The following NAV3 variants were observed in gnomAD, a reference collection of about 807,000 sequenced individuals.
NAV3 encodes the protein neuron navigator 3.
A neutral mutation model predicts 244.7 loss-of-function variants in NAV3; 87 were observed. The ratio of observed to expected loss-of-function variants is 0.36; its 90% confidence interval spans 0.30 to 0.42. The LOEUF is 0.42. Among genes scored for constraint, NAV3 ranks in the 20% least tolerant of loss-of-function variants. The pLI, the probability that NAV3 is intolerant of heterozygous loss-of-function variation, is 1.00. For missense variants in NAV3, 2,663 were observed against 2,893.3 expected, an observed-to-expected ratio of 0.92 and a Z score of 1.83; for synonymous variants, 1,126 against 1,042.2, an observed-to-expected ratio of 1.08 and a Z score of -1.55.
intron 19 of NAV3, among the ~76,000 whole-genome samples, chr12:78,138,677 A>G (rs1001741972): frequency 6.6e-6 from 1 of 152,120 alleles, no homozygotes. Context: ...GGCTTCTTAT[A>G]ATACTTTTAA....
chr12:78,050,736 A>T (rs181027158), intron 10 of NAV3, 28 bp from the exon 11 acceptor site: 1 of 1,560,522 alleles, frequency 6.4e-7, no homozygotes, highest in African/African-American at 1.4e-5. Context: ...GAACCAGAGT[A>T]TAGTTATTTC....
chr12:77,604,899 TTAAACTC>T (rs377177282), intron 2 of NAV3, among the ~76,000 whole-genome samples: 77 of 152,248 alleles, frequency 5.1e-4, no homozygotes, highest in African/African-American at 1.7e-3. Context: ...CTTCCTTCCA[TTAAACTC>T]TAAACAAAAA....
At chr12:77,661,583 G>C (rs1440098761) in intron 2 of NAV3, among the ~76,000 whole-genome samples, 1 of 151,976 alleles carries the variant, frequency 6.6e-6, no homozygotes, top group African/African-American at 2.4e-5. Context: ...TTCTTTGATG[G>C]ATCATGCCTT....
intron 3 of NAV3, among the ~76,000 whole-genome samples, chr12:77,961,092 A>G (rs371496776): frequency 4.8e-5 from 7 of 145,822 alleles, no homozygotes; most frequent in African/African-American, 1.7e-4. Flanking sequence ...TGTATATGTT[A>G]CATGTATACG....
At chr12:77,808,903 G>C (rs965287625) in intron 2 of NAV3, among the ~76,000 whole-genome samples, 1 of 152,214 alleles carries the variant, frequency 6.6e-6, no homozygotes, top group Non-Finnish European at 1.5e-5. Context: ...AGGCAGTCTG[G>C]CTACAGTGGC....
intron 2 of NAV3, among the ~76,000 whole-genome samples, chr12:77,594,638 A>G (rs1870086249): frequency 6.6e-6 from 1 of 152,202 alleles, no homozygotes; most frequent in African/African-American, 2.4e-5. Context: ...GAAAATGAAA[A>G]AGAGATGAGA....
intron 1 of NAV3, among the ~76,000 whole-genome samples, chr12:77,933,476 C>G (rs941948894): frequency 6.6e-6 from 1 of 152,166 alleles, no homozygotes; most frequent in Admixed American, 6.5e-5. Context: ...CCTTCATAGA[C>G]CATCCACCGA....
chr12:77,868,244 A>C (rs976638682), intron 1 of NAV3, among the ~76,000 whole-genome samples: 5 of 144,408 alleles, frequency 3.5e-5, no homozygotes, highest in Admixed American at 7.0e-5. Flanking sequence ...ACAACAACAA[A>C]AACCCTTCCA....
intron 11 of NAV3, among the ~76,000 whole-genome samples, chr12:78,055,107 A>G (rs12309864): frequency 0.1 from 15,611 of 152,194 alleles, 908 homozygotes; most frequent in African/African-American, 0.16. Context: ...CATTCCAGGC[A>G]CTGTGCATTC....
intron 12 of NAV3, among the ~76,000 whole-genome samples, chr12:78,068,104 G>A (rs1035516544): frequency 6.6e-6 from 1 of 151,920 alleles, no homozygotes; most frequent in African/African-American, 2.4e-5. Context: ...AGGACCTAGT[G>A]TGTGTAGCTA....
chr12:77,852,666 A>G (rs1877730779), intron 1 of NAV3, among the ~76,000 whole-genome samples: 1 of 152,236 alleles, frequency 6.6e-6, no homozygotes, highest in Non-Finnish European at 1.5e-5. Context: ...TTATTGATGT[A>G]TAATAGACAC....
At chr12:77,943,483 T>A (rs1026443870) in intron 3 of NAV3, among the ~76,000 whole-genome samples, 1 of 152,184 alleles carries the variant, frequency 6.6e-6, no homozygotes, top group Non-Finnish European at 1.5e-5. Context: ...AAAATACATA[T>A]GAAATAAATG....
chr12:77,681,671 T>C (rs1233468094), intron 2 of NAV3, among the ~76,000 whole-genome samples: 1 of 152,172 alleles, frequency 6.6e-6, no homozygotes, highest in African/African-American at 2.4e-5. Flanking sequence ...CCTCCCTTTT[T>C]CAGGTATAAT....
chr12:77,675,680 A>G (rs1268456061), intron 2 of NAV3, among the ~76,000 whole-genome samples: 1 of 152,106 alleles, frequency 6.6e-6, no homozygotes, highest in Non-Finnish European at 1.5e-5. Context: ...ATTTAGATAA[A>G]AATGTGCTCC....
chr12:77,750,653 A>T (rs1395529919), intron 2 of NAV3, among the ~76,000 whole-genome samples: 1 of 152,182 alleles, frequency 6.6e-6, no homozygotes, highest in Non-Finnish European at 1.5e-5. Context: ...GGCCTTGTAA[A>T]GCAAATGGAT....
At chr12:78,012,546 C>T (rs537881206) in intron 8 of NAV3, among the ~76,000 whole-genome samples, 3 of 152,048 alleles carry the variant, frequency 2.0e-5, no homozygotes, top group Non-Finnish European at 4.4e-5. Flanking sequence ...TCCCCCAGCA[C>T]GTTGTATCTC....
chr12:78,137,155 C>T (rs1956407826), intron 18 of NAV3, 22 bp from the exon 19 acceptor site: 3 of 1,600,728 alleles, frequency 1.9e-6, no homozygotes, highest in East Asian at 4.5e-5. Flanking sequence ...GAGTAATAGG[C>T]TCTGTGTGTT....
At chr12:77,694,899 G>C (rs1008226402) in intron 2 of NAV3, among the ~76,000 whole-genome samples, 5 of 152,130 alleles carry the variant, frequency 3.3e-5, no homozygotes, top group African/African-American at 1.2e-4. Context: ...CACATGGAAA[G>C]AGACTAAGAT....
chr12:78,154,221 G>T, intron 22 of NAV3, among the ~76,000 whole-genome samples: 1 of 83,996 alleles, frequency 1.2e-5, no homozygotes, highest in African/African-American at 4.2e-5. Context: ...ATACATATAT[G>T]CCTATATATG....
Sources: allele counts gnomAD v4.1 joint callset (sites outside exome capture counted in the v4.1 genomes callset), GRCh38; gene constraint gnomAD v4.1.1; transcripts MANE v1.5; gene names NCBI Gene and HGNC (gene_info 2026-07-23, HGNC 2026-07-21).